Variants in RPGRIP1L observed in about 807,000 individuals in gnomAD.
RPGRIP1L encodes RPGRIP1 like, also known as protein fantom.
RPGRIP1L carries 131 observed loss-of-function variants against 160.4 expected under a neutral mutation model. The ratio of observed to expected loss-of-function variants is 0.82; its 90% CI spans 0.71 to 0.94. The LOEUF (loss-of-function observed/expected upper bound fraction) is 0.94, where lower values mean the gene tolerates loss of function less well. RPGRIP1L is among the 40% of genes least tolerant of loss of function. The pLI is 0.00. For missense variants in RPGRIP1L, 1,522 were observed against 1,535.8 expected (o/e 0.99, Z 0.15); for synonymous variants, 510 against 515.8 (o/e 0.99, Z 0.15).
intron 10 of RPGRIP1L, among the ~76,000 whole-genome samples, chr16:53,661,434 G>T (rs891134662): frequency 2.0e-5 from 3 of 152,018 alleles, no homozygotes; most frequent in Admixed American, 6.6e-5. Flanking sequence ...TTTTGTTAGA[G>T]AATAGAATAA....
At chr16:53,637,101 A>G (rs1006905279) in intron 21 of RPGRIP1L, among the ~76,000 whole-genome samples, 1 of 152,050 alleles carries the variant, frequency 6.6e-6, no homozygotes, top group African/African-American at 2.4e-5. Flanking sequence ...GGCTCAAGTA[A>G]TCTTCCCTTC....
chr16:53,687,642 G>A (rs978814970), intron 5 of RPGRIP1L, among the ~76,000 whole-genome samples: 17 of 152,058 alleles, frequency 1.1e-4, no homozygotes, highest in South Asian at 1.0e-3. Context: ...TTATAATAAA[G>A]AAGACTATTA....
chr16:53,599,857 T>C lies in RPGRIP1L; in HGVS notation c.*2219A>G, dbSNP rs1262428245. The stretch of plus-strand genomic sequence containing the variant: ...CACTTCAAAATGTGTCAGCAGCAAT[T>C]AGCTATGAAAATGAGTGTTGTGAAA... On this transcript the variant is annotated 3_prime_UTR_variant, in exon 27 of 27. Coordinates refer to ENST00000647211, the MANE Select transcript of RPGRIP1L (RefSeq NM_015272.5). 6.6e-6 allele frequency: 1 copy of C among 152,220 alleles called. No homozygotes were observed. The allele number at this position is 152,220 out of a possible 1,614,324, so 9.4% of individuals were successfully genotyped here.
chr16:53,674,009 C>T (rs1968956081), intron 7 of RPGRIP1L, among the ~76,000 whole-genome samples: 1 of 152,122 alleles, frequency 6.6e-6, no homozygotes, highest in African/African-American at 2.4e-5. Context: ...AATTCTTAAT[C>T]TTAGAAATGG....
At chr16:53,641,137 T>C (rs1290904368) in intron 18 of RPGRIP1L, 21 bp from the exon 19 acceptor site, 2 of 1,594,082 alleles carry the variant, frequency 1.3e-6, no homozygotes, top group African/African-American at 2.7e-5. Flanking sequence ...CCAACCAATG[T>C]GTCAGACTGA....
intron 24 of RPGRIP1L, among the ~76,000 whole-genome samples, chr16:53,617,507 T>C (rs1315399115): frequency 6.6e-6 from 1 of 152,212 alleles, no homozygotes; most frequent in Non-Finnish European, 1.5e-5. Context: ...TTATACCAAG[T>C]GCATGAAATG....
intron 14 of RPGRIP1L, chr16:53,653,290 T>C: frequency 1.0e-6 from 1 of 981,456 alleles, no homozygotes; most frequent in Non-Finnish European, 1.2e-6. Context: ...GATAACTACC[T>C]GGATTTCACC....
At chr16:53,698,044 C>A (rs1183596757) in intron 2 of RPGRIP1L, among the ~76,000 whole-genome samples, 1 of 151,868 alleles carries the variant, frequency 6.6e-6, no homozygotes, top group Non-Finnish European at 1.5e-5. Flanking sequence ...AGTGCCTCTG[C>A]CCGGCCGCAA....
chr16:53,669,508 G>T (rs1254527960), intron 9 of RPGRIP1L, among the ~76,000 whole-genome samples: 1 of 151,282 alleles, frequency 6.6e-6, no homozygotes, highest in Non-Finnish European at 1.5e-5. Context: ...CTTCTAATAT[G>T]GAAAGATAAA....
Position 53,649,077 on chromosome 16 carries a change from A to G in RPGRIP1L, c.2191T>C (p.Tyr731His). 1.2e-6 allele frequency: 2 copies of G among 1,614,108 alleles called. No homozygotes were observed. Among genetic ancestry groups the G allele is most frequent in the South Asian group, 1.1e-5 (1 of 91,070 alleles). ...ATGGGAACTCTTAATCGGAACCAGT[A>G]TTCCACTGTGCCAAAATTTGGGATG... ...GDIPNFGTVEYWFRLRVPMDQ... is the reference protein window; with the variant it reads ...GDIPNFGTVEHWFRLRVPMDQ... The change falls in exon 16 of 27, where the codon TAC (tyrosine) becomes CAC (histidine). Residue 731 changes from tyrosine to histidine, a missense_variant. Physicochemically the swap from Tyr to His is moderately conservative, Grantham distance 83. Transcript: ENST00000647211.
chr16:53,692,093 C>T lies in RPGRIP1L; in HGVS notation c.502G>A (p.Ala168Thr), dbSNP rs780770984. 4.7e-5 allele frequency: 76 copies of T among 1,613,956 alleles called. No individual in the cohort carries two copies. The Admixed American group carries it at 1.3e-3, about 27-fold the overall frequency. ...TTCCTGGGGCATTCCTGTAAACCAG[C>T]ATTTTCATTTGCTTTTCTACGCCCA... The part of the protein sequence containing the change: ...NTGRRKANEN[A>T]GLQECPRKGI... The change falls in exon 4 of 27, where the codon GCT becomes ACT. Residue 168 changes from alanine to threonine, a missense_variant. Coordinates refer to ENST00000647211, the MANE Select transcript of RPGRIP1L (RefSeq NM_015272.5).
chr16:53,633,043 A>G (rs1333854256), intron 22 of RPGRIP1L, among the ~76,000 whole-genome samples: 2 of 152,202 alleles, frequency 1.3e-5, no homozygotes, highest in Non-Finnish European at 2.9e-5. Context: ...GCTAATAAAT[A>G]AAGAATTGTT....
intron 9 of RPGRIP1L, 148 bp downstream of exon 9, chr16:53,671,362 T>C (rs1438144300): frequency 3.0e-5 from 18 of 600,414 alleles, no homozygotes; most frequent in South Asian, 3.0e-4. Flanking sequence ...TTTAAAAAGC[T>C]TGTATTTCCT....
Position 53,636,498 on chromosome 16 carries a change from A to C in RPGRIP1L, c.3235T>G (p.Ser1079Ala), listed in dbSNP as rs1295300355. Residue 1079 changes from serine to alanine, a missense_variant, in exon 22 of 27, where the codon TCA (serine) becomes GCA (alanine). Ser to Ala is a moderately conservative substitution (Grantham distance 99). Coordinates refer to ENST00000647211, the MANE Select transcript of RPGRIP1L (RefSeq NM_015272.5). The part of the protein sequence containing the change: ...DLEPEVEEDM[S>A]ASDSDDCIIP... ...ATACAGTCATCACTGTCAGAAGCTG[A>C]CATGTCCTCTTCAACTGTTTAAAAA... 2 of 1,611,734 alleles carry C rather than the reference A, an allele frequency of 1.2e-6. No homozygotes were observed. Among genetic ancestry groups the C allele is most frequent in the Non-Finnish European group, 1.7e-6 (2 of 1,178,058 alleles).
At chr16:53,678,826 CTAGA>C (rs1374258470) in intron 6 of RPGRIP1L, among the ~76,000 whole-genome samples, 1 of 152,050 alleles carries the variant, frequency 6.6e-6, no homozygotes, top group African/African-American at 2.4e-5. Context: ...AAAAAGCACT[CTAGA>C]TTTTCTTTTC....
rs892070996 is a variant in RPGRIP1L, at chr16:53,598,292, T to G, written c.*3784A>C. On this transcript the variant is annotated 3_prime_UTR_variant, in exon 27 of 27. Transcript: ENST00000647211. The stretch of plus-strand genomic sequence containing the variant: ...CAAAAAGCAGAAAAGTCAAACAGCA[T>G]CTACCTCAGAAAACAGGTCATGATC... 3 of 152,088 alleles carry G rather than the reference T, an allele frequency of 2.0e-5. No homozygotes were observed. Among genetic ancestry groups the G allele is most frequent in the Admixed American group, 2.0e-4 (3 of 15,250 alleles). The allele number at this position is 152,088 out of a possible 1,614,324, so 9.4% of individuals were successfully genotyped here.
rs772819221 is a variant in RPGRIP1L at position 53,646,823 on chromosome 16, G to A, written c.2305-820C>T. Among the ~76,000 whole-genome samples the A allele has an allele frequency of 1.1e-4, 16 of 152,318 alleles. 1 individual carries two copies. The highest frequency in any genetic ancestry group is 9.6e-4 in the East Asian group (5 of 5,190). On this transcript the variant is annotated intron_variant, in intron 16 of 26. Coordinates refer to ENST00000647211, the MANE Select transcript of RPGRIP1L (RefSeq NM_015272.5). ...TGAGCATCTGGGACCCTGACTCCAT[G>A]AGAAGTTTATTGGAGGAGGAAAAAA...
intron 10 of RPGRIP1L, among the ~76,000 whole-genome samples, chr16:53,661,825 C>T (rs1482427226): frequency 6.6e-6 from 1 of 152,106 alleles, no homozygotes; most frequent in Non-Finnish European, 1.5e-5. Context: ...ATTTTTTAAA[C>T]AAGGGCATTA....
chr16:53,698,499 G>A (rs1447107615), intron 2 of RPGRIP1L, among the ~76,000 whole-genome samples: 2 of 146,616 alleles, frequency 1.4e-5, no homozygotes, highest in African/African-American at 5.1e-5. Context: ...AGGTTGGGGG[G>A]TCAGCCTCCC....
Sources: allele counts gnomAD v4.1 joint callset (sites outside exome capture counted in the v4.1 genomes callset), GRCh38; gene constraint gnomAD v4.1.1; transcripts MANE v1.5; gene names NCBI Gene and HGNC (gene_info 2026-07-23, HGNC 2026-07-21).